KDM4C: variants seen among roughly 807,000 people sequenced by gnomAD.
KDM4C encodes lysine demethylase 4C.
A neutral mutation model predicts 129.3 loss-of-function variants in KDM4C; 81 were observed. The observed-to-expected ratio is 0.63, with a 90% CI of 0.52 to 0.75. The LOEUF is 0.75. Among genes scored for constraint, KDM4C ranks in the 30% least tolerant of loss-of-function variants. KDM4C has a pLI of 0.00. For missense variants in KDM4C, 1,457 were observed against 1,304.0 expected (o/e 1.12, Z -1.81); for synonymous variants, 573 against 456.1 (o/e 1.26, Z -3.26).
chr9:6,739,252 T>C (rs1480027240), intron 1 of KDM4C, among the ~76,000 whole-genome samples: 15 of 151,898 alleles, frequency 9.9e-5, no homozygotes, highest in South Asian at 2.1e-4. Flanking sequence ...TTTGTATTTT[T>C]AGTAGATATG....
At chr9:7,050,759 T>C (rs373160983) in intron 17 of KDM4C, among the ~76,000 whole-genome samples, 1 of 152,156 alleles carries the variant, frequency 6.6e-6, no homozygotes, top group African/African-American at 2.4e-5. Context: ...AGTCCATAAG[T>C]GCTTCCTTAA....
intron 8 of KDM4C, among the ~76,000 whole-genome samples, chr9:6,938,205 A>C (rs1189385363): frequency 1.3e-5 from 2 of 151,924 alleles, no homozygotes; most frequent in African/African-American, 2.4e-5. Flanking sequence ...ATAATATTTA[A>C]TATATAGATA....
At position 7,082,533 on chromosome 9, in the gene KDM4C, T is replaced by C. The variant is rs533598584; in HGVS notation, c.2425-21152T>C. 9.8e-5 allele frequency among the ~76,000 whole-genome samples: 15 copies of C among 152,334 alleles called. No homozygotes were observed. The South Asian group carries it at 2.9e-3, about 29-fold the overall frequency. On this transcript the variant is annotated intron_variant, in intron 17 of 21. Transcript: ENST00000381309. ...GGCTTTTTCAGTAGCCTTATGCAGATACAGAGCTCTGATTGCTTCCCATCC... is the reference window on the plus strand; with the variant it reads ...GGCTTTTTCAGTAGCCTTATGCAGACACAGAGCTCTGATTGCTTCCCATCC...
chr9:6,794,744 A>T lies in KDM4C; in HGVS notation c.144+1612A>T, dbSNP rs111867924. ...CTTACGGGTGCCAGATAATATTCTT[A>T]AAAAAAAATGGTAGTGACTTAAGCC... On this transcript the variant is annotated intron_variant, in intron 2 of 21. Transcript: ENST00000381309. 2.0e-3 allele frequency among the ~76,000 whole-genome samples: 297 copies of T among 151,202 alleles called. 1 individual carries two copies. The highest frequency in any genetic ancestry group is 7.0e-3 in the African/African-American group (289 of 41,180).
intron 5 of KDM4C, among the ~76,000 whole-genome samples, chr9:6,859,144 C>A (rs1032019294): frequency 1.3e-5 from 2 of 152,024 alleles, no homozygotes; most frequent in East Asian, 3.9e-4. Flanking sequence ...TAGTGAAGTC[C>A]TTTGATGTTT....
intron 5 of KDM4C, among the ~76,000 whole-genome samples, chr9:6,865,183 T>C (rs1468424283): frequency 6.6e-6 from 1 of 152,050 alleles, no homozygotes; most frequent in African/African-American, 2.4e-5. Context: ...TAATTTTTTG[T>C]ATTTTTAGTA....
intron 8 of KDM4C, among the ~76,000 whole-genome samples, chr9:6,965,761 G>C (rs1807135353): frequency 1.3e-5 from 2 of 152,194 alleles, no homozygotes; most frequent in Admixed American, 6.5e-5. Flanking sequence ...TTGTTAGATG[G>C]AGCCTACCCA....
intron 3 of KDM4C, among the ~76,000 whole-genome samples, chr9:6,813,003 C>G (rs1364382582): frequency 1.3e-5 from 2 of 152,064 alleles, no homozygotes; most frequent in Admixed American, 1.3e-4. Flanking sequence ...TGGAGAAACC[C>G]CGTCTCTACT....
chr9:7,000,976 G>T (rs140504447), intron 12 of KDM4C, among the ~76,000 whole-genome samples: 60 of 152,232 alleles, frequency 3.9e-4, no homozygotes, highest in African/African-American at 1.2e-3. Context: ...AGTCCTGGCT[G>T]GCAACATTCT....
At chr9:7,040,037 A>G (rs1287870955) in intron 15 of KDM4C, among the ~76,000 whole-genome samples, 1 of 152,076 alleles carries the variant, frequency 6.6e-6, no homozygotes, top group Admixed American at 6.6e-5. Context: ...AATACTGGGA[A>G]ATTTTTAGAG....
At chr9:6,872,316 T>C (rs1183440852) in intron 5 of KDM4C, among the ~76,000 whole-genome samples, 2 of 152,172 alleles carry the variant, frequency 1.3e-5, no homozygotes, top group African/African-American at 2.4e-5. Flanking sequence ...GGACTTGTTA[T>C]TGGCGGAGAA....
intron 4 of KDM4C, among the ~76,000 whole-genome samples, chr9:6,836,562 C>T (rs1835920679): frequency 6.6e-6 from 1 of 152,186 alleles, no homozygotes; most frequent in South Asian, 2.1e-4. Context: ...ATGCCACCCC[C>T]ATCACTCTGG....
At chr9:7,021,140 GTATA>G (rs56054555) in intron 15 of KDM4C, among the ~76,000 whole-genome samples, 52,945 of 146,612 alleles carry the variant, frequency 0.36, 9,752 homozygotes, top group South Asian at 0.49. Flanking sequence ...GTGTGTGTGT[GTATA>G]TATATATATG....
chr9:6,984,345 A>G lies in KDM4C; in HGVS notation c.1295A>G (p.Glu432Gly). ...LRNTEASSEE[E>G]SSASRMQVEQ... is the part of the protein sequence containing the mutation. ...AACACAGAAGCATCTTCAGAAGAAGAGTCATCTGCTAGCAGGATGCAGGTG... is the reference window on the plus strand; with the variant it reads ...AACACAGAAGCATCTTCAGAAGAAGGGTCATCTGCTAGCAGGATGCAGGTG... The change falls in exon 10 of 22, where the codon GAG becomes GGG. Residue 432 changes from glutamate (E) to glycine (G), a missense_variant. Glu to Gly is a moderately conservative substitution (Grantham distance 98, BLOSUM62 -2). Coordinates refer to ENST00000381309, the MANE Select transcript of KDM4C (RefSeq NM_015061.6). 6.2e-7 allele frequency: 1 copy of G among 1,614,048 alleles called. No individual in the cohort carries two copies. The highest frequency in any genetic ancestry group is 1.1e-5 in the South Asian group (1 of 91,060).
intron 8 of KDM4C, among the ~76,000 whole-genome samples, chr9:6,949,011 C>T (rs552711033): frequency 1.3e-5 from 2 of 152,230 alleles, no homozygotes; most frequent in African/African-American, 2.4e-5. Context: ...ACCTCCCAGA[C>T]GGGGTGGCGG....
chr9:7,027,307 T>A (rs1329992353), intron 15 of KDM4C, among the ~76,000 whole-genome samples: 1 of 152,218 alleles, frequency 6.6e-6, no homozygotes, highest in Non-Finnish European at 1.5e-5. Context: ...CACCCCAAGC[T>A]CAGTAACACT....
chr9:7,162,145 C>A (rs1201377863), intron 19 of KDM4C, among the ~76,000 whole-genome samples: 1 of 152,162 alleles, frequency 6.6e-6, no homozygotes, highest in African/African-American at 2.4e-5. Flanking sequence ...GAGAATCGTG[C>A]CCCCTGGTTT....
intron 1 of KDM4C, among the ~76,000 whole-genome samples, chr9:6,788,395 G>A (rs1332940267): frequency 6.6e-6 from 1 of 152,154 alleles, no homozygotes; most frequent in Non-Finnish European, 1.5e-5. Flanking sequence ...TGTCGAAGAT[G>A]AACACTGCCT....
intron 8 of KDM4C, among the ~76,000 whole-genome samples, chr9:6,934,096 G>A (rs1589182218): frequency 6.6e-6 from 1 of 151,890 alleles, no homozygotes; most frequent in Admixed American, 6.6e-5. Context: ...CAAGTGATCC[G>A]CCTGCCTCAG....
Sources: allele counts gnomAD v4.1 joint callset (sites outside exome capture counted in the v4.1 genomes callset), GRCh38; gene constraint gnomAD v4.1.1; transcripts MANE v1.5; gene names NCBI Gene and HGNC (gene_info 2026-07-23, HGNC 2026-07-21).